PRR5: variants seen among roughly 807,000 people sequenced by gnomAD.
The protein encoded by PRR5 is proline rich 5.
PRR5 carries 25 observed loss-of-function variants against 30.6 expected under a neutral mutation model. The ratio of observed to expected loss-of-function variants is 0.82; its 90% CI spans 0.60 to 1.14. The LOEUF (loss-of-function observed/expected upper bound fraction) is 1.14. Among genes scored for constraint, PRR5 ranks in the 50% most tolerant of loss-of-function variants. The probability of loss-of-function intolerance (pLI) is 0.00; values close to 1 mark genes in which losing one functional copy is unlikely to be tolerated. For synonymous variants in PRR5, 286 were observed against 247.1 expected (o/e 1.16, Z -1.48); for missense variants, 600 against 547.1 (o/e 1.10, Z -0.96).
chr22:44,702,240 C>G lies in PRR5; in HGVS notation c.-235C>G. On this transcript the variant is annotated 5_prime_UTR_variant, in exon 1 of 8. Coordinates refer to ENST00000336985, the MANE Select transcript of PRR5 (RefSeq NM_181333.4). Reference sequence around the variant, plus strand: ...GCGCCGGGTCTGTGCTGGCCGCGCGCCTGGCGCTCCACGCTGAGCCTCTCC... The same window carrying G: ...GCGCCGGGTCTGTGCTGGCCGCGCGGCTGGCGCTCCACGCTGAGCCTCTCC... 8.9e-7 allele frequency: 1 copy of G among 1,125,066 alleles called. No individual in the cohort carries two copies. The highest frequency in any genetic ancestry group is 1.1e-6 in the Non-Finnish European group (1 of 919,296). The allele number at this position is 1,125,066 out of a possible 1,614,324, so 69.7% of individuals were successfully genotyped here.
intron 6 of PRR5, 161 bp from the exon 7 acceptor site, chr22:44,734,866 G>C (rs1164860501): frequency 8.3e-6 from 8 of 965,772 alleles, no homozygotes; most frequent in Non-Finnish European, 1.2e-5. Flanking sequence ...AGAGGGGCTG[G>C]GAGGCCACCG....
At position 44,737,634 on chromosome 22, in the gene PRR5, G is replaced by C. The variant is rs1172828306; in HGVS notation, c.*387G>C. ...CAGCACACCTGTCTCCTCCTGCCTG[G>C]GGTGGCCATGGGGATGGAAGGGGGT... On this transcript the variant is annotated 3_prime_UTR_variant, in exon 8 of 8. Coordinates refer to ENST00000336985, the MANE Select transcript of PRR5 (RefSeq NM_181333.4). 4.9e-6 allele frequency: 1 copy of C among 206,162 alleles called. No homozygotes were observed. Among genetic ancestry groups the C allele is most frequent in the African/African-American group, 2.3e-5 (1 of 43,846 alleles). The allele number at this position is 206,162 out of a possible 1,614,324, so 12.8% of individuals were successfully genotyped here. A position where few individuals can be genotyped will look rare whatever the true frequency, so the allele number is the denominator to read the frequency against.
chr22:44,702,604 A>G lies in PRR5; in HGVS notation c.130A>G (p.Asn44Asp). 7.3e-7 allele frequency: 1 copy of G among 1,364,036 alleles called. No individual in the cohort carries two copies. The highest frequency in any genetic ancestry group is 9.5e-7 in the Non-Finnish European group (1 of 1,057,218). 84.5% of individuals were successfully genotyped at this position (1,364,036 alleles called of 1,614,324 possible). Reference sequence around the variant, plus strand: ...CCGGGCCTGCGCCAACGCCACCTGGAACAGGTAAGGCCGCGCCCTCCCGGC... The same window carrying G: ...CCGGGCCTGCGCCAACGCCACCTGGGACAGGTAAGGCCGCGCCCTCCCGGC... ...QRRACANATW[N>D]SIHNGVIAVF... Residue 44 changes from asparagine (N) to aspartate (D), a missense_variant, in exon 1 of 8, where the codon AAC becomes GAC. Asn to Asp is a conservative substitution (Grantham distance 23, BLOSUM62 1). Coordinates refer to ENST00000336985, the MANE Select transcript of PRR5 (RefSeq NM_181333.4).
intron 1 of PRR5, among the ~76,000 whole-genome samples, chr22:44,703,617 A>C (rs1018706654): frequency 1.3e-5 from 2 of 152,138 alleles, no homozygotes; most frequent in African/African-American, 4.8e-5. Flanking sequence ...CCTCTCCGTC[A>C]GTGGGTATTC....
intron 4 of PRR5, 120 bp downstream of exon 4, chr22:44,726,754 C>T: frequency 6.8e-7 from 1 of 1,471,016 alleles, no homozygotes; most frequent in Non-Finnish European, 9.3e-7. Context: ...GTCCGGAGGG[C>T]TTGGAAGGAA....
intron 1 of PRR5, among the ~76,000 whole-genome samples, chr22:44,710,041 G>A (rs538858771): frequency 4.6e-5 from 7 of 152,220 alleles, no homozygotes; most frequent in East Asian, 3.9e-4. Flanking sequence ...CTCCCAACCC[G>A]GCCTCATGCT....
intron 4 of PRR5, chr22:44,729,496 C>G: frequency 2.0e-6 from 2 of 985,604 alleles, no homozygotes; most frequent in Non-Finnish European, 2.4e-6. Flanking sequence ...ACACCCGGCC[C>G]CGTCCTGCCG....
chr22:44,723,478 G>A (rs1285036964), intron 2 of PRR5, among the ~76,000 whole-genome samples: 1 of 152,194 alleles, frequency 6.6e-6, no homozygotes, highest in Non-Finnish European at 1.5e-5. Flanking sequence ...CCAGCACTTT[G>A]GGAGTCCGAG....
rs1221508360 is a variant in PRR5 at position 44,737,198 on chromosome 22, C to G, written c.1118C>G (p.Ser373Cys). ...ATTGACTTTGGCCGGGGCCGGGGCT[C>G]TGGCATGTCCGACTTGGAGGGCTCT... Reference protein sequence around the residue: ...IFIDFGRGRGSGMSDLEGSGG... With the variant: ...IFIDFGRGRGCGMSDLEGSGG... The change falls in exon 8 of 8, where the codon TCT (serine) becomes TGT (cysteine). Residue 373 changes from serine to cysteine, a missense_variant. Ser to Cys is a moderately radical substitution (Grantham distance 112, BLOSUM62 -1). Coordinates refer to ENST00000336985, the MANE Select transcript of PRR5 (RefSeq NM_181333.4). 1.2e-6 allele frequency: 2 copies of G among 1,611,110 alleles called. No homozygotes were observed. Among genetic ancestry groups the G allele is most frequent in the Non-Finnish European group, 1.7e-6 (2 of 1,178,626 alleles).
intron 4 of PRR5, among the ~76,000 whole-genome samples, chr22:44,727,262 G>T (rs971089429): frequency 6.6e-6 from 1 of 152,190 alleles, no homozygotes; most frequent in South Asian, 2.1e-4. Flanking sequence ...TGCAGGTTGG[G>T]CTTCCCGTGG....
At chr22:44,689,690 C>T (rs1925070621) in intron 1 of PRR5, among the ~76,000 whole-genome samples, 1 of 152,140 alleles carries the variant, frequency 6.6e-6, no homozygotes, top group African/African-American at 2.4e-5. Context: ...GCTCTATCAC[C>T]CAGGCTGGAG....
chr22:44,712,420 T>C (rs577239372), intron 1 of PRR5, among the ~76,000 whole-genome samples: 7 of 152,144 alleles, frequency 4.6e-5, no homozygotes, highest in Non-Finnish European at 8.8e-5. Flanking sequence ...ATATGCAGCC[T>C]GTGACCCTGC....
chr22:44,687,252 A>G (rs1924828881), intron 1 of PRR5, among the ~76,000 whole-genome samples: 1 of 152,262 alleles, frequency 6.6e-6, no homozygotes, highest in African/African-American at 2.4e-5. Flanking sequence ...CGGGAAACCC[A>G]TCGCTTCAAA....
upstream of PRR5, chr22:44,702,170 A>ACCCGCCCCTGGG (rs972619205): frequency 3.4e-4 from 234 of 685,070 alleles, no homozygotes; most frequent in African/African-American, 9.2e-4. Context: ...GGGCGCCGAG[A>ACCCGCCCCTGGG]CCCGCCCCTG....
chr22:44,700,580 G>T (rs1040917116), upstream of PRR5, among the ~76,000 whole-genome samples: 6 of 152,170 alleles, frequency 3.9e-5, no homozygotes, highest in Non-Finnish European at 1.5e-5. Flanking sequence ...GACCACAGTG[G>T]TGCCACTGCA....
At chr22:44,714,473 C>T in intron 1 of PRR5, 118 bp from the exon 2 acceptor site, 1 of 1,412,076 alleles carries the variant, frequency 7.1e-7, no homozygotes. Flanking sequence ...TGAGCAGGGT[C>T]CTGCAGGGAT....
At chr22:44,679,913 A>C (rs773291000) in intron 1 of PRR5, 35 of 1,553,852 alleles carry the variant, frequency 2.3e-5, no homozygotes, top group Non-Finnish European at 3.0e-5. Flanking sequence ...GGTGGCTACG[A>C]GGGAGGCAGG....
Position 44,736,778 on chromosome 22 carries a change from GCCT to G in PRR5, c.704_706del (p.Leu235del). ...TGCCCGTGTCTCTCCCCAGAAAAGC[GCCT>G]CCTCCGCCGCTCCCGCTCGGGGGAC... On this transcript the variant is annotated inframe_deletion, in exon 8 of 8. Coordinates refer to ENST00000336985, the MANE Select transcript of PRR5 (RefSeq NM_181333.4). The G allele has an allele frequency of 6.5e-7, 1 of 1,538,996 alleles. No homozygotes were observed. The highest frequency in any genetic ancestry group is 1.4e-5 in the African/African-American group (1 of 73,048).
intron 6 of PRR5, 142 bp downstream of exon 6, chr22:44,732,533 C>T: frequency 7.6e-7 from 1 of 1,321,182 alleles, no homozygotes; most frequent in Non-Finnish European, 1.0e-6. Flanking sequence ...CCTGTCAGGG[C>T]CAGGGACCGG....
Sources: gnomAD v4.1 joint callset for allele counts (sites outside exome capture counted in the v4.1 genomes callset) on GRCh38, gnomAD v4.1.1 for gene constraint, MANE v1.5 for transcripts, NCBI Gene and HGNC (gene_info 2026-07-23, HGNC 2026-07-21) for gene names.